Variants in FMN1 observed in about 807,000 individuals in gnomAD.
The protein encoded by FMN1 is formin 1.
A neutral mutation model predicts 132.4 loss-of-function variants in FMN1; 110 were observed. The observed-to-expected ratio is 0.83, with a 90% CI of 0.71 to 0.97. The LOEUF is 0.97. FMN1 is among the 50% of genes least tolerant of loss of function. The pLI, the probability that FMN1 is intolerant of heterozygous loss-of-function variation, is 0.00. For synonymous variants in FMN1, 722 were observed against 651.7 expected, an observed-to-expected ratio of 1.11 and a Z score of -1.64; for missense variants, 1,792 against 1,705.3, an observed-to-expected ratio of 1.05 and a Z score of -0.90.
chr15:32,778,913 C>T (rs2056575594), intron 19 of FMN1, among the ~76,000 whole-genome samples: 1 of 151,964 alleles, frequency 6.6e-6, no homozygotes, highest in Non-Finnish European at 1.5e-5. Flanking sequence ...GTAGAAGCAA[C>T]CAAATTTCCA....
chr15:32,788,354 A>T (rs932348483), intron 19 of FMN1, among the ~76,000 whole-genome samples: 2 of 152,194 alleles, frequency 1.3e-5, no homozygotes, highest in African/African-American at 4.8e-5. Flanking sequence ...TAAATTTGCA[A>T]ATTTAATTGA....
Position 32,855,182 on chromosome 15 carries a change from AG to A in FMN1, c.3928+1832del, listed in dbSNP as rs376813071. Among the ~76,000 whole-genome samples the A allele has an allele frequency of 5.4e-5, 8 of 148,340 alleles. 1 individual carries two copies. Among genetic ancestry groups the A allele is most frequent in the East Asian group, 1.9e-4 (1 of 5,136 alleles). ...TAAAAAAAAAAAAAAAAAAAAAAAA[AG>A]AAAAAAGAAAGAAAATCTGATGCCT... On this transcript the variant is annotated intron_variant, in intron 17 of 20. Transcript: ENST00000616417.
intron 4 of FMN1, among the ~76,000 whole-genome samples, chr15:33,100,741 C>A (rs1038369112): frequency 2.0e-5 from 3 of 152,094 alleles, no homozygotes; most frequent in African/African-American, 4.8e-5. Flanking sequence ...GGAAGCTAAT[C>A]ATAAAGAATC....
At position 33,121,413 on chromosome 15, in the gene FMN1, G is replaced by A. The variant is rs191519359; in HGVS notation, c.1867+31635C>T. On this transcript the variant is annotated intron_variant, in intron 4 of 20. Transcript: ENST00000616417. ...CTGTCTATAAATTGAGAGCACAAAG[G>A]GAGAAACTCATTCCCTCATTTCCAG... Among the ~76,000 whole-genome samples the A allele has an allele frequency of 1.1e-4, 16 of 152,254 alleles. No individual in the cohort carries two copies. In the East Asian group the frequency reaches 2.5e-3, roughly 24 times the overall value.
At chr15:32,965,672 G>A (rs1481518647) in intron 8 of FMN1, among the ~76,000 whole-genome samples, 1 of 152,114 alleles carries the variant, frequency 6.6e-6, no homozygotes, top group Admixed American at 6.5e-5. Flanking sequence ...CAATAGATCT[G>A]CCTTTCCCAT....
intron 2 of FMN1, among the ~76,000 whole-genome samples, chr15:33,184,333 T>C (rs911511838): frequency 6.6e-6 from 1 of 152,166 alleles, no homozygotes; most frequent in African/African-American, 2.4e-5. Flanking sequence ...TATTTCCTAC[T>C]CTTTCTAAAG....
chr15:32,855,742 A>G (rs1221740599), intron 17 of FMN1, among the ~76,000 whole-genome samples: 1 of 152,194 alleles, frequency 6.6e-6, no homozygotes, highest in Non-Finnish European at 1.5e-5. Context: ...GCATATGTAA[A>G]AAGCAGATAC....
chr15:33,003,566 A>G (rs1056137751), intron 7 of FMN1, among the ~76,000 whole-genome samples: 2 of 152,242 alleles, frequency 1.3e-5, no homozygotes, highest in Non-Finnish European at 1.5e-5. Context: ...CAAATGGAAG[A>G]ACATTCTATG....
At chr15:32,845,571 T>C (rs2058836586) in intron 17 of FMN1, among the ~76,000 whole-genome samples, 2 of 152,148 alleles carry the variant, frequency 1.3e-5, no homozygotes, top group African/African-American at 4.8e-5. Flanking sequence ...GTAACAACGC[T>C]GGGATTGAGC....
intron 6 of FMN1, chr15:33,012,171 C>T: frequency 1.8e-6 from 1 of 550,492 alleles, no homozygotes; most frequent in Middle Eastern, 5.1e-4. Context: ...GGAAGCTCCT[C>T]ATCAGAGGGT....
At chr15:33,105,558 G>C (rs2039452634) in intron 4 of FMN1, among the ~76,000 whole-genome samples, 1 of 152,090 alleles carries the variant, frequency 6.6e-6, no homozygotes, top group Admixed American at 6.6e-5. Flanking sequence ...ACTTGAAATG[G>C]GTAATGACTG....
At chr15:32,951,129 C>T (rs1450116) in intron 9 of FMN1, among the ~76,000 whole-genome samples, 25,185 of 151,956 alleles carry the variant, frequency 0.17, 2,835 homozygotes, top group African/African-American at 0.32. Context: ...TTTTAAGAGC[C>T]TCACATTACC....
intron 15 of FMN1, among the ~76,000 whole-genome samples, chr15:32,889,013 C>T (rs1033684911): frequency 6.6e-6 from 1 of 152,072 alleles, no homozygotes; most frequent in Non-Finnish European, 1.5e-5. Flanking sequence ...TGCCACCATA[C>T]CCAGCTAATT....
intron 6 of FMN1, among the ~76,000 whole-genome samples, chr15:33,015,705 TA>T (rs59255534): frequency 1.3e-4 from 20 of 150,156 alleles, no homozygotes; most frequent in Admixed American, 4.0e-4. Flanking sequence ...ATATGTGACT[TA>T]AAAAAAAAAA....
chr15:32,814,991 G>A (rs1300647207), intron 17 of FMN1, among the ~76,000 whole-genome samples: 1 of 152,094 alleles, frequency 6.6e-6, no homozygotes, highest in East Asian at 1.9e-4. Context: ...CGCCCAGACT[G>A]GAGTGCAGTG....
chr15:33,163,362 T>G (rs1964970935), intron 3 of FMN1, among the ~76,000 whole-genome samples: 1 of 151,106 alleles, frequency 6.6e-6, no homozygotes, highest in Non-Finnish European at 1.5e-5. Flanking sequence ...TGGCACAATC[T>G]CGGCTCACCG....
intron 4 of FMN1, among the ~76,000 whole-genome samples, chr15:33,127,860 A>G (rs12906147): frequency 0.1 from 15,915 of 152,296 alleles, 892 homozygotes; most frequent in Middle Eastern, 0.16. Context: ...GAGAAGTGAG[A>G]CAGTGCTGTT....
chr15:32,944,196 G>C (rs1410934420), intron 9 of FMN1, among the ~76,000 whole-genome samples: 1 of 152,184 alleles, frequency 6.6e-6, no homozygotes, highest in Non-Finnish European at 1.5e-5. Flanking sequence ...ATTGTTACTT[G>C]GCAGGTGCCC....
At chr15:33,106,074 G>A (rs373248935) in intron 4 of FMN1, 5 of 152,116 alleles carry the variant, frequency 3.3e-5, no homozygotes, top group African/African-American at 9.7e-5. Context: ...GCTCTGAGCA[G>A]CCATGTCTCA....
Sources: gnomAD v4.1 joint callset for allele counts (sites outside exome capture counted in the v4.1 genomes callset) on GRCh38, gnomAD v4.1.1 for gene constraint, MANE v1.5 for transcripts, NCBI Gene and HGNC (gene_info 2026-07-23, HGNC 2026-07-21) for gene names.